Variants in RASEF observed in about 807,000 individuals in gnomAD.
RASEF encodes the protein ras and EF-hand domain-containing protein.
Under a neutral mutation model 90.1 loss-of-function variants are expected in RASEF, and 68 were observed. That is an observed-to-expected ratio of 0.75 (90% CI 0.62 to 0.92). The LOEUF (loss-of-function observed/expected upper bound fraction) is 0.92. Ranked by LOEUF, RASEF falls within the 40% of genes least tolerant of loss-of-function variation. The probability of loss-of-function intolerance (pLI) is 0.00; values close to 1 mark genes in which losing one functional copy is unlikely to be tolerated. For synonymous variants in RASEF, 331 were observed against 345.2 expected (o/e 0.96, Z 0.46); for missense variants, 949 against 937.2 (o/e 1.01, Z -0.16).
In RASEF at chr9:83,062,619, C is replaced by T; in HGVS notation, c.249G>A (p.Trp83Ter). ...CGGCGGGCGCGGGATCCAGAGGACC[C>T]CAGTCCCGGCGCCGCCCCCCGCGGA... ...GSLRGGRRRDWGPLDPAPAVS... is the reference protein window; with the variant it reads ...GSLRGGRRRD The change falls in exon 1 of 17, where the codon TGG becomes TGA. Residue 83 changes from tryptophan to a stop codon, truncating the protein, a stop_gained. Coordinates refer to ENST00000376447, the MANE Select transcript of RASEF (RefSeq NM_152573.4). LOFTEE classifies it high-confidence loss of function. The T allele has an allele frequency of 6.4e-7, 1 of 1,555,620 alleles. No homozygotes were observed. Among genetic ancestry groups the T allele is most frequent in the Non-Finnish European group, 8.7e-7 (1 of 1,155,298 alleles).
the RASEF span, among the ~76,000 whole-genome samples, chr9:83,125,995 G>T: frequency 6.6e-6 from 1 of 152,198 alleles, no homozygotes; most frequent in Admixed American, 6.5e-5. Flanking sequence ...CAGGGAGGAA[G>T]CTGGAATCTG....
chr9:83,101,050 G>C, the RASEF span, among the ~76,000 whole-genome samples: 1 of 152,126 alleles, frequency 6.6e-6, no homozygotes, highest in Non-Finnish European at 1.5e-5. Context: ...ATAATCCAAT[G>C]TGCAAACCCT....
At chr9:83,153,225 T>G in the RASEF span, among the ~76,000 whole-genome samples, 2 of 152,292 alleles carry the variant, frequency 1.3e-5, no homozygotes, top group East Asian at 3.9e-4. Flanking sequence ...ACCATGTATA[T>G]TCATATTTTC....
chr9:83,208,454 G>C, the RASEF span, among the ~76,000 whole-genome samples: 1 of 152,154 alleles, frequency 6.6e-6, no homozygotes, highest in Non-Finnish European at 1.5e-5. Context: ...AACCATTTCT[G>C]GGTGGGCTCT....
chr9:83,178,612 C>G, the RASEF span, among the ~76,000 whole-genome samples: 1 of 152,168 alleles, frequency 6.6e-6, no homozygotes, highest in Admixed American at 6.5e-5. Flanking sequence ...CAACTGCATA[C>G]TAGACATTTC....
At chr9:83,182,974 C>T in the RASEF span, among the ~76,000 whole-genome samples, 1 of 152,084 alleles carries the variant, frequency 6.6e-6, no homozygotes, top group Non-Finnish European at 1.5e-5. Flanking sequence ...AAAGAGTACA[C>T]ATAGCTGTTA....
the RASEF span, among the ~76,000 whole-genome samples, chr9:83,197,403 C>T: frequency 3.3e-5 from 5 of 152,142 alleles, no homozygotes; most frequent in Non-Finnish European, 5.9e-5. Context: ...CTCACTGAGG[C>T]CCTGCTATGA....
the RASEF span, among the ~76,000 whole-genome samples, chr9:83,117,606 G>A: frequency 1.6e-4 from 25 of 152,154 alleles, no homozygotes; most frequent in Admixed American, 1.6e-3. Context: ...AAGCCTTCAG[G>A]TTAAGAAGTC....
At chr9:83,072,386 T>C in the RASEF span, among the ~76,000 whole-genome samples, 2 of 152,190 alleles carry the variant, frequency 1.3e-5, no homozygotes, top group African/African-American at 4.8e-5. Context: ...GCTACTGCAT[T>C]AGTCAGGGTT....
At chr9:83,032,424 A>AAC (rs1266094140) in intron 1 of RASEF, among the ~76,000 whole-genome samples, 1 of 152,236 alleles carries the variant, frequency 6.6e-6, no homozygotes, top group Non-Finnish European at 1.5e-5. Flanking sequence ...GTACTTGGCA[A>AAC]ACACTAGGGA....
chr9:83,024,734 A>C (rs1829511098), intron 2 of RASEF, among the ~76,000 whole-genome samples: 1 of 152,356 alleles, frequency 6.6e-6, no homozygotes, highest in African/African-American at 2.4e-5. Context: ...TTTCATACCA[A>C]GAATTTAAAA....
the RASEF span, among the ~76,000 whole-genome samples, chr9:83,072,527 T>C: frequency 1.3e-5 from 2 of 152,206 alleles, no homozygotes. Context: ...AGGAAGCCAG[T>C]CTGAGTCCCA....
intron 12 of RASEF, among the ~76,000 whole-genome samples, chr9:82,999,421 T>C (rs913667209): frequency 4.6e-5 from 7 of 152,102 alleles, no homozygotes; most frequent in African/African-American, 1.7e-4. Context: ...TTTGTACCTT[T>C]TCCCTCCACT....
chr9:83,186,232 G>C, the RASEF span, among the ~76,000 whole-genome samples: 1 of 151,976 alleles, frequency 6.6e-6, no homozygotes, highest in Non-Finnish European at 1.5e-5. Flanking sequence ...TGCTGCCTAG[G>C]GGAAAAGCTT....
At chr9:83,121,246 TACAC>T in the RASEF span, among the ~76,000 whole-genome samples, 2 of 152,164 alleles carry the variant, frequency 1.3e-5, no homozygotes, top group African/African-American at 4.8e-5. Flanking sequence ...ACATTAATAA[TACAC>T]ACGTAAGTAT....
intron 2 of RASEF, among the ~76,000 whole-genome samples, chr9:83,025,098 G>GTT: frequency 6.6e-6 from 1 of 152,042 alleles, no homozygotes; most frequent in African/African-American, 2.4e-5. Flanking sequence ...CATATAAATT[G>GTT]TTTTTTTTGC....
chr9:83,132,605 A>C, the RASEF span, among the ~76,000 whole-genome samples: 848 of 151,896 alleles, frequency 5.6e-3, 8 homozygotes, highest in African/African-American at 0.02. Flanking sequence ...GTTAAACCAA[A>C]CTCTATAGAT....
chr9:83,055,597 C>A, intron 1 of RASEF: 1 of 718,000 alleles, frequency 1.4e-6, no homozygotes, highest in Non-Finnish European at 2.6e-6. Flanking sequence ...TGTTTCTCTG[C>A]CTTCCTTTTT....
At chr9:83,005,818 A>C (rs558853102) in intron 7 of RASEF, among the ~76,000 whole-genome samples, 1 of 152,298 alleles carries the variant, frequency 6.6e-6, no homozygotes, top group South Asian at 2.1e-4. Context: ...AAAGCTCCCT[A>C]AATGCCTGAA....
Sources: allele counts gnomAD v4.1 joint callset (sites outside exome capture counted in the v4.1 genomes callset), GRCh38; gene constraint gnomAD v4.1.1; transcripts MANE v1.5; gene names NCBI Gene and HGNC (gene_info 2026-07-23, HGNC 2026-07-21).